The following MSRA variants were observed in gnomAD, a reference collection of about 807,000 sequenced individuals.
The protein encoded by MSRA is mitochondrial peptide methionine sulfoxide reductase.
Under a neutral mutation model 31.3 loss-of-function variants are expected in MSRA, and 54 were observed. That is an observed-to-expected ratio of 1.73 (90% CI 1.39 to 2.17). MSRA has a LOEUF of 2.17. MSRA is among the 30% of genes most tolerant of loss of function. The pLI is 0.00. For missense variants in MSRA, 507 were observed against 300.9 expected (o/e 1.69, Z -5.07); for synonymous variants, 169 against 116.5 (o/e 1.45, Z -2.90).
intron 1 of MSRA, among the ~76,000 whole-genome samples, chr8:10,097,085 G>A (rs1362403485): frequency 4.0e-5 from 6 of 151,788 alleles, no homozygotes; most frequent in South Asian, 2.1e-4. Flanking sequence ...CCATTATTGC[G>A]CGCCTTAAAT....
At chr8:10,311,460 G>C (rs892966145) in intron 4 of MSRA, among the ~76,000 whole-genome samples, 1 of 144,910 alleles carries the variant, frequency 6.9e-6, no homozygotes, top group Admixed American at 7.0e-5. Flanking sequence ...ATAAGATGCT[G>C]TACCCCACAC....
chr8:10,199,705 G>A (rs917390016), intron 1 of MSRA, among the ~76,000 whole-genome samples: 1 of 152,168 alleles, frequency 6.6e-6, no homozygotes, highest in Non-Finnish European at 1.5e-5. Context: ...TCATGAGAAG[G>A]AAGAATGCCC....
Position 10,428,526 on chromosome 8 carries a change from C to T in MSRA, c.*214C>T, listed in dbSNP as rs1245111799. 3.6e-6 allele frequency: 2 copies of T among 548,320 alleles called. No individual in the cohort carries two copies. Among genetic ancestry groups the T allele is most frequent in the Non-Finnish European group, 6.4e-6 (2 of 313,138 alleles). 34.0% of individuals were successfully genotyped at this position (548,320 alleles called of 1,614,324 possible). A position where few individuals can be genotyped will look rare whatever the true frequency, so the allele number is the denominator to read the frequency against. On this transcript the variant is annotated 3_prime_UTR_variant, in exon 6 of 6. Coordinates refer to ENST00000317173, the MANE Select transcript of MSRA (RefSeq NM_012331.5). ...CTAATAAGTTATGGTGGGAGTGGAG[C>T]TGTGCAGTTTCCTGTGTCTTCTGGG...
intron 3 of MSRA, among the ~76,000 whole-genome samples, chr8:10,283,416 C>T (rs1291161305): frequency 6.6e-6 from 1 of 151,990 alleles, no homozygotes; most frequent in African/African-American, 2.4e-5. Flanking sequence ...AAGAAATGTC[C>T]TATCTACTGC....
At chr8:10,398,515 G>T (rs1231397112) in intron 5 of MSRA, among the ~76,000 whole-genome samples, 1 of 152,210 alleles carries the variant, frequency 6.6e-6, no homozygotes, top group Non-Finnish European at 1.5e-5. Flanking sequence ...CCTTTGCCCT[G>T]AGATGGACTT....
chr8:10,234,256 T>TA (rs1563250610), intron 2 of MSRA, among the ~76,000 whole-genome samples: 1 of 152,174 alleles, frequency 6.6e-6, no homozygotes, highest in East Asian at 1.9e-4. Flanking sequence ...GAAGCAATTT[T>TA]AAAAAAATAA....
intron 5 of MSRA, among the ~76,000 whole-genome samples, chr8:10,370,435 C>G (rs1358354487): frequency 3.3e-5 from 5 of 152,220 alleles, no homozygotes; most frequent in Non-Finnish European, 7.3e-5. Context: ...GAGAATGACC[C>G]AGTGCCTGAG....
intron 4 of MSRA, among the ~76,000 whole-genome samples, chr8:10,305,443 T>C (rs1801081389): frequency 6.8e-6 from 1 of 147,912 alleles, no homozygotes; most frequent in Non-Finnish European, 1.5e-5. Context: ...GGATGGAGTC[T>C]TGCTCTGTTG....
chr8:10,278,037 A>C (rs1297325891), intron 3 of MSRA, among the ~76,000 whole-genome samples: 1 of 152,146 alleles, frequency 6.6e-6, no homozygotes, highest in Non-Finnish European at 1.5e-5. Flanking sequence ...CAATATTTTG[A>C]TATCTCCTGT....
At chr8:10,198,754 G>C (rs1181692924) in intron 1 of MSRA, among the ~76,000 whole-genome samples, 2 of 152,148 alleles carry the variant, frequency 1.3e-5, no homozygotes, top group Non-Finnish European at 2.9e-5. Flanking sequence ...CTCCCTAGTA[G>C]CTGGGACCAC....
intron 2 of MSRA, among the ~76,000 whole-genome samples, chr8:10,216,269 T>C (rs2129064549): frequency 6.6e-6 from 1 of 152,292 alleles, no homozygotes; most frequent in East Asian, 1.9e-4. Context: ...GAAAAGAAAG[T>C]GAAATGAAAT....
At chr8:10,210,585 G>A (rs1205903664) in intron 2 of MSRA, among the ~76,000 whole-genome samples, 1 of 152,178 alleles carries the variant, frequency 6.6e-6, no homozygotes, top group African/African-American at 2.4e-5. Flanking sequence ...GACCACAGTA[G>A]CATGTATTAT....
intron 1 of MSRA, among the ~76,000 whole-genome samples, chr8:10,177,388 A>G (rs1020556205): frequency 6.6e-6 from 1 of 152,256 alleles, no homozygotes; most frequent in African/African-American, 2.4e-5. Flanking sequence ...CAAGATGCTT[A>G]TGGTATGGCA....
At chr8:10,076,264 G>A (rs1367828566) in intron 1 of MSRA, among the ~76,000 whole-genome samples, 1 of 152,216 alleles carries the variant, frequency 6.6e-6, no homozygotes, top group East Asian at 1.9e-4. Context: ...GGGACACTTA[G>A]GGGACAGTGT....
intron 3 of MSRA, among the ~76,000 whole-genome samples, chr8:10,288,358 G>A (rs1800048911): frequency 6.6e-6 from 1 of 151,882 alleles, no homozygotes; most frequent in East Asian, 1.9e-4. Flanking sequence ...ACCGATTTTT[G>A]CCCCCTTGAA....
chr8:10,403,406 C>T (rs140248830), intron 5 of MSRA, among the ~76,000 whole-genome samples: 56 of 152,330 alleles, frequency 3.7e-4, no homozygotes, highest in Non-Finnish European at 7.1e-4. Flanking sequence ...TTGCTGGAAG[C>T]TGGGATGATG....
At chr8:10,239,194 G>T (rs1193798069) in intron 2 of MSRA, among the ~76,000 whole-genome samples, 1 of 151,458 alleles carries the variant, frequency 6.6e-6, no homozygotes, top group Non-Finnish European at 1.5e-5. Context: ...ATGGAGTTTT[G>T]CTCTGTTGCC....
chr8:10,089,144 A>C (rs1169617233), intron 1 of MSRA, among the ~76,000 whole-genome samples: 37 of 151,924 alleles, frequency 2.4e-4, no homozygotes, highest in African/African-American at 8.7e-4. Flanking sequence ...TGTCCCACAC[A>C]CACACACACA....
At chr8:10,262,919 C>A (rs183364459) in intron 3 of MSRA, among the ~76,000 whole-genome samples, 1 of 152,074 alleles carries the variant, frequency 6.6e-6, no homozygotes, top group African/African-American at 2.4e-5. Context: ...CATTTTTTGC[C>A]GTGTTGGTCA....
Sources: gnomAD v4.1 joint callset for allele counts (sites outside exome capture counted in the v4.1 genomes callset) on GRCh38, gnomAD v4.1.1 for gene constraint, MANE v1.5 for transcripts, NCBI Gene and HGNC (gene_info 2026-07-23, HGNC 2026-07-21) for gene names.